ZHX3: variants seen among roughly 807,000 people sequenced by gnomAD.
The protein encoded by ZHX3 is zinc fingers and homeoboxes protein 3.
A neutral mutation model predicts 64.5 loss-of-function variants in ZHX3; 20 were observed. The ratio of observed to expected loss-of-function variants is 0.31; its 90% CI spans 0.22 to 0.45. ZHX3 has a LOEUF of 0.45. Among genes scored for constraint, ZHX3 ranks in the 20% least tolerant of loss-of-function variants. ZHX3 has a pLI of 1.00. For synonymous variants in ZHX3, 423 were observed against 461.6 expected (o/e 0.92, Z 1.07); for missense variants, 1,041 against 1,195.8 (o/e 0.87, Z 1.91).
chr20:41,235,390 G>A (rs556801811), intron 2 of ZHX3, among the ~76,000 whole-genome samples: 26 of 152,174 alleles, frequency 1.7e-4, no homozygotes, highest in Non-Finnish European at 2.2e-4. Flanking sequence ...CTGGCAAACC[G>A]AATCCAGCAG....
At chr20:41,300,389 C>A (rs892082901) in intron 1 of ZHX3, among the ~76,000 whole-genome samples, 1 of 152,064 alleles carries the variant, frequency 6.6e-6, no homozygotes, top group Non-Finnish European at 1.5e-5. Flanking sequence ...AGCCTTCAGA[C>A]CCAGTGAGAA....
intron 2 of ZHX3, among the ~76,000 whole-genome samples, chr20:41,218,017 T>C (rs1295606032): frequency 6.6e-6 from 1 of 152,206 alleles, no homozygotes; most frequent in Non-Finnish European, 1.5e-5. Context: ...GGCTTGACAA[T>C]GTAGTCCTAG....
chr20:41,209,244 T>C (rs1431240554), intron 2 of ZHX3, among the ~76,000 whole-genome samples: 2 of 152,060 alleles, frequency 1.3e-5, no homozygotes, highest in African/African-American at 4.8e-5. Flanking sequence ...GAATCAATAT[T>C]GTGAAAATGG....
intron 1 of ZHX3, among the ~76,000 whole-genome samples, chr20:41,283,037 T>C (rs534905832): frequency 4.6e-5 from 7 of 152,320 alleles, no homozygotes; most frequent in Non-Finnish European, 7.3e-5. Flanking sequence ...GCCTCCCAAG[T>C]AGCTGACATT....
At chr20:41,290,699 T>C (rs778152327) in intron 1 of ZHX3, 4 of 152,234 alleles carry the variant, frequency 2.6e-5, no homozygotes, top group Non-Finnish European at 5.9e-5. Context: ...CAGCTACTAG[T>C]ATGCAGTAGG....
chr20:41,253,185 C>G (rs538831397), intron 2 of ZHX3, among the ~76,000 whole-genome samples: 1 of 151,666 alleles, frequency 6.6e-6, no homozygotes, highest in Admixed American at 6.6e-5. Flanking sequence ...TATTTGAGAC[C>G]ACATTCACAG....
rs980507476 is a variant in ZHX3, at chr20:41,232,096, T to C, written c.-150-27030A>G. On this transcript the variant is annotated intron_variant, in intron 2 of 3. Transcript: ENST00000683867. This position sits in a 1 kb window ranked among gnomAD's most constrained non-coding sequence, Gnocchi z 5.0. The stretch of plus-strand genomic sequence containing the variant: ...TTGTTTTCAAAGGAAGCCACCAAGA[T>C]GATTAAAGGGTTGGAAAATGAGATT... Among the ~76,000 whole-genome samples the C allele has an allele frequency of 1.3e-5, 2 of 151,510 alleles. No homozygotes were observed. The highest frequency in any genetic ancestry group is 2.4e-5 in the African/African-American group (1 of 41,224).
At chr20:41,265,358 A>C (rs559521197) in intron 2 of ZHX3, among the ~76,000 whole-genome samples, 18 of 152,038 alleles carry the variant, frequency 1.2e-4, no homozygotes, top group Middle Eastern at 3.4e-3. Context: ...ACCCACCACC[A>C]CGCCCAGCTA....
At chr20:41,188,321 G>A (rs753763058) in intron 3 of ZHX3, 1 of 151,514 alleles carries the variant, frequency 6.6e-6, no homozygotes, top group African/African-American at 2.4e-5. Context: ...GTGATGTTGA[G>A]TGTTCTTTAA....
At chr20:41,297,435 T>C (rs1294857391) in intron 1 of ZHX3, among the ~76,000 whole-genome samples, 1 of 152,194 alleles carries the variant, frequency 6.6e-6, no homozygotes, top group African/African-American at 2.4e-5. Context: ...CCCAGTTTTA[T>C]CTCAAACTAA....
chr20:41,201,231 T>G lies in ZHX3; in HGVS notation c.2860+826A>C. On this transcript the variant is annotated intron_variant, in intron 3 of 3. Coordinates refer to ENST00000683867, the MANE Select transcript of ZHX3 (RefSeq NM_001384317.1). The surrounding 1 kb of genome is among the most constrained non-coding windows in gnomAD (Gnocchi z 5.0). ...CCAACTCAGCTAGCAATGCTGCCAT[T>G]TTGGAACCCCCAATCCCTTCAGCTT... is the stretch of plus-strand genomic sequence containing the variant. 1.7e-6 allele frequency: 2 copies of G among 1,204,944 alleles called. No individual in the cohort carries two copies. The highest frequency in any genetic ancestry group is 2.2e-6 in the Non-Finnish European group (2 of 927,326). The allele number at this position is 1,204,944 out of a possible 1,614,324, so 74.6% of individuals were successfully genotyped here. A position where few individuals can be genotyped will look rare whatever the true frequency, so the allele number is the denominator to read the frequency against.
At chr20:41,300,166 G>C (rs1037937503) in intron 1 of ZHX3, 1 of 152,206 alleles carries the variant, frequency 6.6e-6, no homozygotes, top group African/African-American at 2.4e-5. Flanking sequence ...ACCCAGAACT[G>C]TGGAATCACA....
intron 2 of ZHX3, chr20:41,238,773 G>A (rs2041178832): frequency 6.6e-6 from 1 of 152,066 alleles, no homozygotes. Flanking sequence ...CCAAGGCAGG[G>A]TCTTGGTCCA....
In ZHX3 at chr20:41,202,494, A is replaced by C; in HGVS notation, c.2423T>G (p.Val808Gly). ...MAQTGLPRPE[V>G]VRWFGDSRYA... ...CCTGCTATCTCCAAACCAGCGCACC[A>C]CCTCTGGCCGTGGCAGACCCGTCTG... The change falls in exon 3 of 4, where the codon GTG (valine) becomes GGG (glycine). Residue 808 changes from valine to glycine, a missense_variant. By Grantham distance (109) the Val-to-Gly change is moderately radical. Transcript: ENST00000683867. The surrounding 1 kb of genome is among the most constrained non-coding windows in gnomAD (Gnocchi z 7.0). 1 of 1,614,008 alleles carries C rather than the reference A, an allele frequency of 6.2e-7. No homozygotes were observed. The highest frequency in any genetic ancestry group is 8.5e-7 in the Non-Finnish European group (1 of 1,180,002).
chr20:41,213,446 A>G (rs538754442), intron 2 of ZHX3, among the ~76,000 whole-genome samples: 16 of 152,188 alleles, frequency 1.1e-4, no homozygotes, highest in Non-Finnish European at 1.9e-4. Context: ...CACCTTGGTA[A>G]TATTTACTGT....
chr20:41,245,298 T>C lies in ZHX3; in HGVS notation c.-151+23692A>G, dbSNP rs115550386. Among the ~76,000 whole-genome samples the C allele has an allele frequency of 3.6e-3, 544 of 152,342 alleles. 3 individuals carry two copies. The highest frequency in any genetic ancestry group is 0.012 in the African/African-American group (519 of 41,584). ...ACTCCCAGCGTGGCCAGGGGCTTGTTTGGCAGACTCCTCCATGCTGTGCCT... is the reference window on the plus strand; with the variant it reads ...ACTCCCAGCGTGGCCAGGGGCTTGTCTGGCAGACTCCTCCATGCTGTGCCT... On this transcript the variant is annotated intron_variant, in intron 2 of 3. Coordinates refer to ENST00000683867, the MANE Select transcript of ZHX3 (RefSeq NM_001384317.1).
chr20:41,265,631 C>T (rs1207623741), intron 2 of ZHX3, among the ~76,000 whole-genome samples: 1 of 152,108 alleles, frequency 6.6e-6, no homozygotes, highest in African/African-American at 2.4e-5. Context: ...CACACCTCCC[C>T]CAAGACAAAT....
intron 2 of ZHX3, among the ~76,000 whole-genome samples, chr20:41,216,533 T>A (rs942999949): frequency 6.6e-6 from 1 of 152,186 alleles, no homozygotes; most frequent in African/African-American, 2.4e-5. Flanking sequence ...TTCAATATCT[T>A]TCCATGTCAC....
At chr20:41,210,438 G>C (rs1376446173) in intron 2 of ZHX3, among the ~76,000 whole-genome samples, 2 of 152,132 alleles carry the variant, frequency 1.3e-5, no homozygotes, top group Non-Finnish European at 2.9e-5. Flanking sequence ...CAAAGACTTG[G>C]AACCAACCCA....
Sources: gnomAD v4.1 joint callset for allele counts (sites outside exome capture counted in the v4.1 genomes callset) on GRCh38, gnomAD v4.1.1 for gene constraint, Gnocchi (gnomAD v3.1) non-coding constraint, MANE v1.5 for transcripts, NCBI Gene and HGNC (gene_info 2026-07-23, HGNC 2026-07-21) for gene names.